Variants in RUBCNL observed in about 807,000 individuals in gnomAD.
RUBCNL encodes rubicon like autophagy enhancer, also known as protein associated with UVRAG as autophagy enhancer.
RUBCNL carries 62 observed loss-of-function variants against 69.5 expected under a neutral mutation model. The observed-to-expected ratio is 0.89, with a 90% CI of 0.73 to 1.10. The LOEUF is 1.10. RUBCNL is among the 50% of genes least tolerant of loss of function. The pLI is 0.00. For missense variants in RUBCNL, 768 were observed against 798.1 expected (o/e 0.96, Z 0.45); for synonymous variants, 291 against 303.6 (o/e 0.96, Z 0.43).
chr13:46,340,578 CT>C lies in RUBCNL; in HGVS notation c.*2806del, dbSNP rs1398361521. Among the ~76,000 whole-genome samples the C allele has an allele frequency of 6.6e-6, 1 of 152,124 alleles. No individual in the cohort carries two copies. The stretch of plus-strand genomic sequence containing the variant: ...TATTTGTGTTGCTATAAAGGAATAC[CT>C]GAGGCTGGGTGATTTATAAAGAAAA... On this transcript the variant is annotated 3_prime_UTR_variant, in exon 15 of 15. Coordinates refer to ENST00000429979, the MANE Select transcript of RUBCNL (RefSeq NM_025113.5).
rs372708984 is a variant in RUBCNL at position 46,372,043 on chromosome 13, C to T, written c.433G>A (p.Val145Met). The T allele has an allele frequency of 5.6e-6, 9 of 1,613,866 alleles. No homozygotes were observed. The African/African-American group carries it at 8.0e-5, about 14-fold the overall frequency. Residue 145 changes from valine (V) to methionine (M), a missense_variant, in exon 3 of 15, where the codon GTG (valine) becomes ATG (methionine). Val to Met is a conservative substitution (Grantham distance 21, BLOSUM62 1). Coordinates refer to ENST00000429979, the MANE Select transcript of RUBCNL (RefSeq NM_025113.5). ...HMVRPGYSHR[V>M]SLPTSPGILA... ...ATCCCAGGGCTTGTGGGCAGAGACA[C>T]CCGATGAGAGTATCCTGGGCGGACC...
intron 10 of RUBCNL, chr13:46,351,063 G>T: frequency 6.6e-6 from 1 of 151,746 alleles, no homozygotes; most frequent in South Asian, 2.1e-4. Flanking sequence ...AGGAGTTCAA[G>T]ACCAGCGTGG....
chr13:46,344,385 A>G (rs1187099460), intron 14 of RUBCNL, among the ~76,000 whole-genome samples: 1 of 152,136 alleles, frequency 6.6e-6, no homozygotes, highest in Non-Finnish European at 1.5e-5. Context: ...CAGCTACTCA[A>G]CTCTGCCTCC....
chr13:46,340,149 C>G lies in RUBCNL; in HGVS notation c.*3236G>C, dbSNP rs2048131608. Among the ~76,000 whole-genome samples, 1 of 152,036 alleles carries G rather than the reference C, an allele frequency of 6.6e-6. No homozygotes were observed. The highest frequency in any genetic ancestry group is 1.5e-5 in the Non-Finnish European group (1 of 68,000). On this transcript the variant is annotated 3_prime_UTR_variant, in exon 15 of 15. Transcript: ENST00000429979. ...CTTATAAGGACACCAGTCACTAGAT[C>G]AAAACTCATCCTAATGCACTATGTC...
In RUBCNL at chr13:46,335,260, GT is replaced by G. The variant is rs764458781; in HGVS notation, c.*8124del. On this transcript the variant is annotated 3_prime_UTR_variant, in exon 15 of 15. Coordinates refer to ENST00000429979, the MANE Select transcript of RUBCNL (RefSeq NM_025113.5). Reference sequence around the variant, plus strand: ...GTGTCTTTTTGTTGTTGTTGTTGTTGTTTTTTTTTTTTTTTTTTTTTTTTTA... The same window carrying G: ...GTGTCTTTTTGTTGTTGTTGTTGTTGTTTTTTTTTTTTTTTTTTTTTTTTA... Among the ~76,000 whole-genome samples the G allele has an allele frequency of 0.22, 22,038 of 101,988 alleles. 2,278 individuals carry two copies. The highest frequency in any genetic ancestry group is 0.27 in the Middle Eastern group (57 of 208). 66.9% of individuals were successfully genotyped at this position (101,988 alleles called of 152,430 possible).
At position 46,344,989 on chromosome 13, in the gene RUBCNL, C is replaced by A. The variant is rs377702227; in HGVS notation, c.1786-158G>T. On this transcript the variant is annotated intron_variant, in intron 13 of 14. Coordinates refer to ENST00000429979, the MANE Select transcript of RUBCNL (RefSeq NM_025113.5). ...TTTGCAGCAATGAATGGGTCAGAAT[C>A]AAAAAAAAGATAAAAATGTACATTC... Among the ~76,000 whole-genome samples the A allele has an allele frequency of 1.3e-3, 195 of 151,768 alleles. 2 individuals carry two copies. Among genetic ancestry groups the A allele is most frequent in the Admixed American group, 4.1e-3 (63 of 15,260 alleles).
intron 10 of RUBCNL, among the ~76,000 whole-genome samples, chr13:46,352,950 G>C (rs1295488319): frequency 6.6e-6 from 1 of 152,230 alleles, no homozygotes; most frequent in Non-Finnish European, 1.5e-5. Flanking sequence ...GTCTGTGAGA[G>C]AGGGACAGTT....
rs555738647 is a variant in RUBCNL, at chr13:46,361,564, A to G, written c.996T>C (p.Tyr332=). ...CSCSSSKSVT[Y]EPDFNSAELL... is the part of the protein sequence containing the mutation. ...GTTCTGCAGAATTGAAGTCTGGCTC[A>G]TAAGTGACACTGAAATGTAAGAGAT... is the stretch of plus-strand genomic sequence containing the variant. Residue 332 remains tyrosine (Y), a synonymous_variant, in exon 8 of 15, where the codon TAT becomes TAC. Coordinates refer to ENST00000429979, the MANE Select transcript of RUBCNL (RefSeq NM_025113.5). The G allele has an allele frequency of 3.7e-6, 6 of 1,600,294 alleles. No homozygotes were observed. Among genetic ancestry groups the G allele is most frequent in the South Asian group, 2.2e-5 (2 of 89,012 alleles).
chr13:46,371,943 T>TC lies in RUBCNL; in HGVS notation c.532dup (p.Glu178GlyfsTer8). ...GGGAGGTCACCTACTAAAATTACCT[T>TC]CATCAGCAGCAGATGTCAGATGGGA... is the stretch of plus-strand genomic sequence containing the variant. On this transcript the variant is annotated frameshift_variant, in exon 3 of 15. Transcript: ENST00000429979. LOFTEE classifies it high-confidence loss of function. 2 of 1,613,746 alleles carry TC rather than the reference T, an allele frequency of 1.2e-6. No individual in the cohort carries two copies. The highest frequency in any genetic ancestry group is 1.7e-6 in the Non-Finnish European group (2 of 1,179,742).
intron 8 of RUBCNL, among the ~76,000 whole-genome samples, chr13:46,360,126 T>G (rs2048578681): frequency 6.6e-6 from 1 of 152,146 alleles, no homozygotes; most frequent in Non-Finnish European, 1.5e-5. Flanking sequence ...CAGTGGCTCA[T>G]GCTTGTTTTC....
intron 3 of RUBCNL, among the ~76,000 whole-genome samples, chr13:46,370,100 G>C (rs780103596): frequency 6.6e-6 from 1 of 152,228 alleles, no homozygotes; most frequent in Non-Finnish European, 1.5e-5. Context: ...ATAGTTTGCA[G>C]ACTCTGAGTA....
rs190839538 is a variant in RUBCNL at position 46,363,139 on chromosome 13, C to T, written c.901G>A (p.Asp301Asn). 3.1e-5 allele frequency: 50 copies of T among 1,599,314 alleles called. No homozygotes were observed. The East Asian group carries it at 5.0e-4, about 16-fold the overall frequency. ...YHDVKEICKCDVDEFVILELG... is the reference protein window; with the variant it reads ...YHDVKEICKCNVDEFVILELG... Reference sequence around the variant, plus strand: ...CCTAAAATAACAAATTCATCAACATCGCATTTGCAAATCTCTTTCACATCA... The same window carrying T: ...CCTAAAATAACAAATTCATCAACATTGCATTTGCAAATCTCTTTCACATCA... Residue 301 changes from aspartate (D) to asparagine (N), a missense_variant, in exon 6 of 15, where the codon GAT (aspartate) becomes AAT (asparagine). Physicochemically the swap from Asp to Asn is conservative, Grantham distance 23 (BLOSUM62 1). Transcript: ENST00000429979.
Position 46,335,242 on chromosome 13 carries a change from T to TTTGTTG in RUBCNL, c.*8137_*8142dup, listed in dbSNP as rs796529048. The stretch of plus-strand genomic sequence containing the variant: ...ATTGTGCCCAGCTAATTTGTGTCTT[T>TTTGTTG]TTGTTGTTGTTGTTGTTGTTTTTTT... On this transcript the variant is annotated 3_prime_UTR_variant, in exon 15 of 15. Coordinates refer to ENST00000429979, the MANE Select transcript of RUBCNL (RefSeq NM_025113.5). Among the ~76,000 whole-genome samples the TTTGTTG allele has an allele frequency of 7.0e-5, 10 of 142,166 alleles. No individual in the cohort carries two copies. Among genetic ancestry groups the TTTGTTG allele is most frequent in the African/African-American group, 2.5e-4 (9 of 36,726 alleles). 93.3% of individuals were successfully genotyped at this position (142,166 alleles called of 152,430 possible). A position where few individuals can be genotyped will look rare whatever the true frequency, so the allele number is the denominator to read the frequency against.
At position 46,359,537 on chromosome 13, in the gene RUBCNL, T is replaced by C; in HGVS notation, c.1214A>G (p.Asp405Gly). The C allele has an allele frequency of 6.3e-7, 1 of 1,596,710 alleles. No homozygotes were observed. The highest frequency in any genetic ancestry group is 8.5e-7 in the Non-Finnish European group (1 of 1,170,888). Residue 405 changes from aspartate (D) to glycine (G), a missense_variant, in exon 9 of 15, where the codon GAC becomes GGC. Physicochemically the swap from Asp to Gly is moderately conservative, Grantham distance 94 (BLOSUM62 -1). Transcript: ENST00000429979. The part of the protein sequence containing the change: ...KFKSRIRGTE[D>G]WAPPRFQIIF... ...GATTTGAAATCTAGGAGGAGCCCAG[T>C]CTTCAGTCCCTCTGATCCTAGACTT... is the stretch of plus-strand genomic sequence containing the variant.
intron 13 of RUBCNL, among the ~76,000 whole-genome samples, chr13:46,345,153 C>T (rs2048217551): frequency 6.6e-6 from 1 of 152,188 alleles, no homozygotes; most frequent in South Asian, 2.1e-4. Context: ...GCCTCCTGTT[C>T]CATTGAATCC....
chr13:46,378,978 G>A (rs1329280768), intron 1 of RUBCNL, among the ~76,000 whole-genome samples: 1 of 152,074 alleles, frequency 6.6e-6, no homozygotes, highest in Non-Finnish European at 1.5e-5. Flanking sequence ...CTCCCAAACA[G>A]TTCCTATCCC....
intron 2 of RUBCNL, among the ~76,000 whole-genome samples, chr13:46,376,094 A>G (rs571012807): frequency 1.3e-5 from 2 of 152,332 alleles, no homozygotes; most frequent in Admixed American, 6.5e-5. Flanking sequence ...ATTATACACT[A>G]ACATACAACA....
At chr13:46,370,528 C>A (rs2048855156) in intron 3 of RUBCNL, among the ~76,000 whole-genome samples, 1 of 152,094 alleles carries the variant, frequency 6.6e-6, no homozygotes, top group African/African-American at 2.4e-5. Flanking sequence ...AGAATGAATC[C>A]CCTTACTGAG....
chr13:46,383,993 T>A (rs2068735730), intron 1 of RUBCNL, among the ~76,000 whole-genome samples: 1 of 152,112 alleles, frequency 6.6e-6, no homozygotes, highest in Non-Finnish European at 1.5e-5. Flanking sequence ...CTTCAGAATA[T>A]TAATATTCAC....
Sources: gnomAD v4.1 joint callset for allele counts (sites outside exome capture counted in the v4.1 genomes callset) on GRCh38, gnomAD v4.1.1 for gene constraint, MANE v1.5 for transcripts, NCBI Gene and HGNC (gene_info 2026-07-23, HGNC 2026-07-21) for gene names.